Variants in CDH12 observed in about 807,000 individuals in gnomAD.
CDH12 encodes the protein cadherin-12.
In CDH12, 41 loss-of-function variants were observed where a neutral mutation model predicts 74.1. The observed-to-expected ratio is 0.55, with a 90% CI of 0.43 to 0.72. CDH12 has a LOEUF of 0.72. Among genes scored for constraint, CDH12 ranks in the 30% least tolerant of loss-of-function variants. CDH12 has a pLI of 0.00. For missense variants in CDH12, 945 were observed against 977.2 expected (o/e 0.97, Z 0.44); for synonymous variants, 399 against 355.0 (o/e 1.12, Z -1.39).
intron 5 of CDH12, among the ~76,000 whole-genome samples, chr5:22,025,486 T>G (rs1361876294): frequency 6.6e-6 from 1 of 152,182 alleles, no homozygotes; most frequent in Non-Finnish European, 1.5e-5. Flanking sequence ...ATGCTAATGA[T>G]CATCTCACTG....
chr5:21,833,593 AAT>A (rs1056512099), intron 8 of CDH12, among the ~76,000 whole-genome samples: 3 of 145,942 alleles, frequency 2.1e-5, no homozygotes, highest in Non-Finnish European at 3.0e-5. Flanking sequence ...ACCAAACATT[AAT>A]ATATGATATA....
At chr5:22,565,295 T>C (rs908142859) in intron 1 of CDH12, among the ~76,000 whole-genome samples, 4 of 152,212 alleles carry the variant, frequency 2.6e-5, no homozygotes, top group Admixed American at 2.0e-4. Flanking sequence ...ATGATAGTTC[T>C]AGGTTTAGTT....
chr5:21,880,616 CTTCT>C (rs201513323), intron 6 of CDH12, among the ~76,000 whole-genome samples: 773 of 50,744 alleles, frequency 0.015, 39 homozygotes, highest in Middle Eastern at 0.025. Flanking sequence ...TCCTTCCTTC[CTTCT>C]TTCTTTCTTT....
At chr5:22,067,347 G>T (rs1741634755) in intron 5 of CDH12, among the ~76,000 whole-genome samples, 1 of 152,192 alleles carries the variant, frequency 6.6e-6, no homozygotes. Flanking sequence ...TCCCCGAAAA[G>T]GTGAAGCATA....
chr5:22,712,189 G>A (rs1016211347), intron 1 of CDH12, among the ~76,000 whole-genome samples: 1 of 151,728 alleles, frequency 6.6e-6, no homozygotes, highest in African/African-American at 2.4e-5. Context: ...TTGAAATAAT[G>A]CTTCCTTCTT....
At chr5:22,809,705 A>C (rs147514227) in intron 1 of CDH12, among the ~76,000 whole-genome samples, 1 of 152,068 alleles carries the variant, frequency 6.6e-6, no homozygotes, top group African/African-American at 2.4e-5. Flanking sequence ...CAGAAGGTAG[A>C]TATCATTTCA....
In CDH12 at chr5:21,977,976, G is replaced by A. The variant is rs182379886; in HGVS notation, c.232-2591C>T. ...ATGCTGATTAATTAGGCAGATGGGT[G>A]GTAGCCTAAAGTATAGACATTTTTC... On this transcript the variant is annotated intron_variant, in intron 5 of 14. Coordinates refer to ENST00000382254, the MANE Select transcript of CDH12 (RefSeq NM_004061.5). Among the ~76,000 whole-genome samples the A allele has an allele frequency of 1.1e-3, 172 of 152,012 alleles. 1 individual carries two copies. The highest frequency in any genetic ancestry group is 1.2e-4 in the Non-Finnish European group (8 of 67,986).
chr5:22,416,063 T>G (rs1160031937), intron 2 of CDH12, among the ~76,000 whole-genome samples: 1 of 3,568 alleles, frequency 2.8e-4, no homozygotes, highest in Non-Finnish European at 5.4e-4. Flanking sequence ...TGTAGGTCTT[T>G]TTTTTTTTTT....
intron 4 of CDH12, among the ~76,000 whole-genome samples, chr5:22,206,315 C>T (rs1751214852): frequency 6.6e-6 from 1 of 152,226 alleles, no homozygotes. Context: ...AACTTGCGTG[C>T]CTGTTCTTAA....
chr5:22,823,441 A>T (rs1454276609), intron 1 of CDH12, among the ~76,000 whole-genome samples: 1 of 152,000 alleles, frequency 6.6e-6, no homozygotes, highest in African/African-American at 2.4e-5. Context: ...GCCTGCTGCC[A>T]CTCATGTAAG....
intron 4 of CDH12, among the ~76,000 whole-genome samples, chr5:22,180,327 AC>A (rs934876830): frequency 6.6e-6 from 1 of 152,104 alleles, no homozygotes; most frequent in Non-Finnish European, 1.5e-5. Flanking sequence ...TTGATAGAGA[AC>A]CAATTAATCT....
chr5:21,906,071 T>C (rs748846939), intron 6 of CDH12, among the ~76,000 whole-genome samples: 22 of 152,172 alleles, frequency 1.4e-4, no homozygotes, highest in Non-Finnish European at 2.4e-4. Context: ...AGTACATATT[T>C]ATATTTATAA....
intron 5 of CDH12, among the ~76,000 whole-genome samples, chr5:21,981,614 C>T (rs1757310239): frequency 6.6e-6 from 1 of 152,140 alleles, no homozygotes; most frequent in Non-Finnish European, 1.5e-5. Flanking sequence ...CGTTTCTTCT[C>T]CCCGTCCCCC....
intron 1 of CDH12, among the ~76,000 whole-genome samples, chr5:22,822,044 A>G (rs556072276): frequency 0.011 from 1,736 of 152,322 alleles, 40 homozygotes; most frequent in African/African-American, 0.04. Flanking sequence ...ATATAGATCA[A>G]TGGAACAGAA....
intron 2 of CDH12, among the ~76,000 whole-genome samples, chr5:22,405,706 C>G (rs1341580780): frequency 6.6e-6 from 1 of 152,142 alleles, no homozygotes; most frequent in Admixed American, 6.6e-5. Context: ...AACAAACAGA[C>G]CTGGTAGCTC....
At chr5:22,148,513 T>C (rs1374617755) in intron 4 of CDH12, among the ~76,000 whole-genome samples, 1 of 151,870 alleles carries the variant, frequency 6.6e-6, no homozygotes, top group Admixed American at 6.6e-5. Context: ...CATAGCAAAT[T>C]TGCACAAACT....
At chr5:22,760,890 T>C (rs1195266721) in intron 1 of CDH12, among the ~76,000 whole-genome samples, 1 of 152,076 alleles carries the variant, frequency 6.6e-6, no homozygotes, top group Admixed American at 6.6e-5. Flanking sequence ...AATATCCAGA[T>C]CCACAACATG....
At chr5:21,885,710 T>C (rs936739102) in intron 6 of CDH12, among the ~76,000 whole-genome samples, 4 of 152,234 alleles carry the variant, frequency 2.6e-5, no homozygotes, top group Admixed American at 6.5e-5. Context: ...TATTTTGTTT[T>C]TATAGAGCTT....
chr5:22,554,597 A>C (rs1223836500), intron 1 of CDH12, among the ~76,000 whole-genome samples: 1 of 152,108 alleles, frequency 6.6e-6, no homozygotes, highest in African/African-American at 2.4e-5. Context: ...TCAATATCTA[A>C]AACTACTGGT....
Sources: allele counts gnomAD v4.1 joint callset (sites outside exome capture counted in the v4.1 genomes callset), GRCh38; gene constraint gnomAD v4.1.1; transcripts MANE v1.5; gene names NCBI Gene and HGNC (gene_info 2026-07-23, HGNC 2026-07-21).